The following TMEM132B variants were observed in gnomAD, a reference collection of about 807,000 sequenced individuals.
The protein encoded by TMEM132B is transmembrane protein 132B.
In TMEM132B, 18 loss-of-function variants were observed where a neutral mutation model predicts 90.8. That is an observed-to-expected ratio of 0.20 (90% CI 0.14 to 0.29). TMEM132B has a LOEUF of 0.29. Among genes scored for constraint, TMEM132B ranks in the 10% least tolerant of loss-of-function variants. The pLI, the probability that TMEM132B is intolerant of heterozygous loss-of-function variation, is 1.00. For synonymous variants in TMEM132B, 504 were observed against 523.3 expected, an observed-to-expected ratio of 0.96 and a Z score of 0.50; for missense variants, 1,096 against 1,326.8, an observed-to-expected ratio of 0.83 and a Z score of 2.70.
Position 125,407,578 on chromosome 12 carries a change from T to C in TMEM132B, c.960-7953T>C, listed in dbSNP as rs1879537398. ...GTCCAGTTGTCTTTCTTTTGACTTA[T>C]CTACAGCAGCTAGAATGTCTCTCTC... On this transcript the variant is annotated intron_variant, in intron 2 of 8. Coordinates refer to ENST00000682704, the MANE Select transcript of TMEM132B (RefSeq NM_001366854.1). This position sits in a 1 kb window ranked among gnomAD's most constrained non-coding sequence, Gnocchi z 6.7. Among the ~76,000 whole-genome samples the C allele has an allele frequency of 6.6e-6, 1 of 152,204 alleles. No individual in the cohort carries two copies. Among genetic ancestry groups the C allele is most frequent in the Admixed American group, 6.5e-5 (1 of 15,282 alleles).
intron 4 of TMEM132B, among the ~76,000 whole-genome samples, chr12:125,554,778 A>G (rs920522014): frequency 3.3e-5 from 5 of 152,168 alleles, no homozygotes; most frequent in Admixed American, 6.5e-5. Flanking sequence ...GGGAGTGTCA[A>G]CATTTCCTCA....
chr12:125,322,148 C>G (rs1254965305), intron 1 of TMEM132B, among the ~76,000 whole-genome samples: 1 of 152,158 alleles, frequency 6.6e-6, no homozygotes, highest in Non-Finnish European at 1.5e-5. Context: ...TGGGAGGGAC[C>G]CGGTGAGAGG....
intron 1 of TMEM132B, among the ~76,000 whole-genome samples, chr12:125,332,580 T>G (rs1593088775): frequency 1.5e-5 from 2 of 136,898 alleles, no homozygotes; most frequent in Admixed American, 7.8e-5. Context: ...TTCAGAGAGT[T>G]GGCTTTTTTT....
intron 3 of TMEM132B, among the ~76,000 whole-genome samples, chr12:125,428,443 G>T (rs535646134): frequency 8.6e-5 from 13 of 151,712 alleles, no homozygotes; most frequent in Non-Finnish European, 1.6e-4. Context: ...TTGCCATTAT[G>T]TCACTATTAT....
At chr12:125,582,207 G>T (rs1465962899) in intron 4 of TMEM132B, among the ~76,000 whole-genome samples, 3 of 151,544 alleles carry the variant, frequency 2.0e-5, no homozygotes, top group Non-Finnish European at 4.4e-5. Context: ...ACTGAATGAG[G>T]ATGTAATGAC....
In TMEM132B at chr12:125,654,019, C is replaced by A; in HGVS notation, c.2561C>A (p.Thr854Asn). The A allele has an allele frequency of 1.2e-6, 2 of 1,614,162 alleles. No individual in the cohort carries two copies. The highest frequency in any genetic ancestry group is 1.7e-5 in the Admixed American group (1 of 60,012). The change falls in exon 9 of 9, where the codon ACC becomes AAC. Residue 854 changes from threonine to asparagine, a missense_variant. Coordinates refer to ENST00000682704, the MANE Select transcript of TMEM132B (RefSeq NM_001366854.1). This position sits in a 1 kb window ranked among gnomAD's most constrained non-coding sequence, Gnocchi z 5.8. ...GAGGAAAGTACCAACAAAAGCACAACCCCCCAGTCTCCCATGGAAGGGAAG... is the reference window on the plus strand; with the variant it reads ...GAGGAAAGTACCAACAAAAGCACAAACCCCCAGTCTCCCATGGAAGGGAAG... The part of the protein sequence containing the change: ...GQEESTNKST[T>N]PQSPMEGKNK...
At chr12:125,422,756 C>G (rs1880204578) in intron 3 of TMEM132B, among the ~76,000 whole-genome samples, 1 of 152,134 alleles carries the variant, frequency 6.6e-6, no homozygotes, top group African/African-American at 2.4e-5. Context: ...GCCATGGAAA[C>G]CAAGGAACGT....
rs189687583 is a variant in TMEM132B, at chr12:125,279,720, A to G, written c.68-69732A>G. On this transcript the variant is annotated intron_variant, in intron 1 of 8. Coordinates refer to ENST00000682704, the MANE Select transcript of TMEM132B (RefSeq NM_001366854.1). ...TTTGCTGTAATAAGCCTTAGTCATA[A>G]GTCCAACCAAATGCTGAGCTCCATG... 7.9e-5 allele frequency among the ~76,000 whole-genome samples: 12 copies of G among 152,290 alleles called. No individual in the cohort carries two copies. The East Asian group carries it at 2.3e-3, about 29-fold the overall frequency.
chr12:125,298,169 T>C (rs1403788975), intron 1 of TMEM132B, among the ~76,000 whole-genome samples: 1 of 152,126 alleles, frequency 6.6e-6, no homozygotes, highest in Non-Finnish European at 1.5e-5. Context: ...GGTGGATCAC[T>C]TGAGCAAGGA....
At chr12:125,499,311 T>C (rs1040628217) in intron 3 of TMEM132B, among the ~76,000 whole-genome samples, 1 of 152,168 alleles carries the variant, frequency 6.6e-6, no homozygotes, top group African/African-American at 2.4e-5. Flanking sequence ...CAAGACTGAT[T>C]GAGTTGAGAG....
chr12:125,393,848 A>G (rs1879096927), intron 2 of TMEM132B, among the ~76,000 whole-genome samples: 1 of 152,222 alleles, frequency 6.6e-6, no homozygotes. Flanking sequence ...CACAGGAGGA[A>G]GAAGCTGGGG....
At chr12:125,560,663 A>T (rs541513693) in intron 4 of TMEM132B, among the ~76,000 whole-genome samples, 3 of 151,602 alleles carry the variant, frequency 2.0e-5, no homozygotes, top group African/African-American at 7.3e-5. Context: ...TCTACTAAAA[A>T]AAATACAAAA....
At position 125,652,619 on chromosome 12, in the gene TMEM132B, A is replaced by G. The variant is rs772086587; in HGVS notation, c.2093A>G (p.Gln698Arg). The change falls in exon 8 of 9, where the codon CAG (glutamine) becomes CGG (arginine). Residue 698 changes from glutamine (Q) to arginine (R), a missense_variant. Gln to Arg is a conservative substitution (Grantham distance 43). Coordinates refer to ENST00000682704, the MANE Select transcript of TMEM132B (RefSeq NM_001366854.1). The stretch of plus-strand genomic sequence containing the variant: ...ACAGCTGCTGCCCTGGATGTTCTTC[A>G]GTCCCCACAGCAGGTGAGCGTTCCA... ...VSTAAALDVL[Q>R]SPQQEAIVSS... The G allele has an allele frequency of 1.2e-6, 2 of 1,612,574 alleles. No homozygotes were observed. Among genetic ancestry groups the G allele is most frequent in the Non-Finnish European group, 1.7e-6 (2 of 1,179,232 alleles).
intron 4 of TMEM132B, among the ~76,000 whole-genome samples, chr12:125,577,919 C>T (rs1884973941): frequency 6.6e-6 from 1 of 151,888 alleles, no homozygotes; most frequent in Non-Finnish European, 1.5e-5. Context: ...TTCTTAATTT[C>T]CACCCTATCC....
At chr12:125,417,740 G>T (rs1880056568) in intron 3 of TMEM132B, among the ~76,000 whole-genome samples, 2 of 152,176 alleles carry the variant, frequency 1.3e-5, no homozygotes, top group Admixed American at 6.5e-5. Flanking sequence ...CAAGATGACT[G>T]CTAGCAGCTC....
chr12:125,494,662 A>T lies in TMEM132B; in HGVS notation c.1107-24777A>T, dbSNP rs73414329. Among the ~76,000 whole-genome samples, 965 of 114,862 alleles carry T rather than the reference A, an allele frequency of 8.4e-3. 16 individuals are homozygous for T. Among genetic ancestry groups the T allele is most frequent in the African/African-American group, 0.032 (921 of 28,584 alleles). The allele number at this position is 114,862 out of a possible 152,430, so 75.4% of individuals were successfully genotyped here. ...AATGGCCATGTCCCTCATCCTTGGA[A>T]ATGGATGTGTCCCTCCTCCCCTTCC... is the stretch of plus-strand genomic sequence containing the variant. On this transcript the variant is annotated intron_variant, in intron 3 of 8. Transcript: ENST00000682704.
At chr12:125,369,868 G>A (rs377057103) in intron 2 of TMEM132B, among the ~76,000 whole-genome samples, 1 of 152,168 alleles carries the variant, frequency 6.6e-6, no homozygotes, top group African/African-American at 2.4e-5. Flanking sequence ...GGCCAACATG[G>A]TGAAACCCTG....
At chr12:125,487,491 A>C (rs1448471143) in intron 3 of TMEM132B, among the ~76,000 whole-genome samples, 1 of 152,234 alleles carries the variant, frequency 6.6e-6, no homozygotes, top group African/African-American at 2.4e-5. Context: ...CCAAGTAGTA[A>C]TCAGCGATGC....
chr12:125,399,483 ATG>A (rs1555246075), intron 2 of TMEM132B, among the ~76,000 whole-genome samples: 8,375 of 69,584 alleles, frequency 0.12, 300 homozygotes, highest in Admixed American at 0.14. Flanking sequence ...GTGTGTGTGT[ATG>A]TGTGTGTGTG....
Sources: allele counts gnomAD v4.1 joint callset (sites outside exome capture counted in the v4.1 genomes callset), GRCh38; gene constraint gnomAD v4.1.1; non-coding constraint Gnocchi (gnomAD v3.1); transcripts MANE v1.5; gene names NCBI Gene and HGNC (gene_info 2026-07-23, HGNC 2026-07-21).